The following DPYD variants were observed in gnomAD, a reference collection of about 807,000 sequenced individuals.
DPYD encodes dihydropyrimidine dehydrogenase [NADP(+)].
In DPYD, 109 loss-of-function variants were observed where a neutral mutation model predicts 116.2. The ratio of observed to expected loss-of-function variants is 0.94; its 90% confidence interval spans 0.80 to 1.10. The LOEUF (loss-of-function observed/expected upper bound fraction) is 1.10. Ranked by LOEUF, DPYD falls within the 50% of genes least tolerant of loss-of-function variation. The probability of loss-of-function intolerance (pLI) is 0.00; values close to 1 mark genes in which losing one functional copy is unlikely to be tolerated. For synonymous variants in DPYD, 440 were observed against 432.0 expected (o/e 1.02, Z -0.23); for missense variants, 1,302 against 1,254.5 (o/e 1.04, Z -0.57).
At chr1:97,422,587 T>G (rs1342559582) in intron 14 of DPYD, among the ~76,000 whole-genome samples, 1 of 152,128 alleles carries the variant, frequency 6.6e-6, no homozygotes, top group African/African-American at 2.4e-5. Flanking sequence ...ACTGGGTCAC[T>G]AGTATTACTT....
chr1:97,523,104 T>G (rs1648806922), intron 12 of DPYD, among the ~76,000 whole-genome samples: 1 of 152,108 alleles, frequency 6.6e-6, no homozygotes, highest in African/African-American at 2.4e-5. Context: ...CCTCTTTGAT[T>G]GTTCAAAATA....
chr1:97,232,859 T>C (rs577337019), intron 19 of DPYD, among the ~76,000 whole-genome samples: 7 of 152,334 alleles, frequency 4.6e-5, no homozygotes, highest in Non-Finnish European at 7.3e-5. Context: ...GCTTAAAATA[T>C]CTGACAGATA....
chr1:97,456,233 A>T (rs2101809848), intron 13 of DPYD, among the ~76,000 whole-genome samples: 1 of 152,082 alleles, frequency 6.6e-6, no homozygotes, highest in Non-Finnish European at 1.5e-5. Flanking sequence ...TAATAATTAG[A>T]ACTCATTTCA....
chr1:97,595,069 G>A lies in DPYD; in HGVS notation c.948C>T (p.Gly316=). The change falls in exon 9 of 23, where the codon GGC becomes GGT. Residue 316 remains glycine (G), a synonymous_variant. Transcript: ENST00000370192. Reference sequence around the variant, plus strand: ...GACAATATGTTATACCTGCTTTACTGCCTTTGGCTACAAGTGGCAAAAAGT... The same window carrying A: ...GACAATATGTTATACCTGCTTTACTACCTTTGGCTACAAGTGGCAAAAAGT... The part of the protein sequence containing the change: ...SKDFLPLVAK[G]SKAGMCACHS... The A allele has an allele frequency of 6.2e-7, 1 of 1,612,644 alleles. No homozygotes were observed. The highest frequency in any genetic ancestry group is 8.5e-7 in the Non-Finnish European group (1 of 1,178,834).
intron 8 of DPYD, among the ~76,000 whole-genome samples, chr1:97,670,751 C>T (rs1446892743): frequency 6.6e-6 from 1 of 152,114 alleles, no homozygotes. Flanking sequence ...CCATAAATAG[C>T]AGTTGAAAGA....
intron 15 of DPYD, among the ~76,000 whole-genome samples, chr1:97,382,025 T>C (rs1222973367): frequency 6.6e-6 from 1 of 152,206 alleles, no homozygotes; most frequent in African/African-American, 2.4e-5. Flanking sequence ...TCAAACTAGT[T>C]TGCCTAAAGG....
At chr1:97,127,873 T>C (rs990964454) in intron 20 of DPYD, among the ~76,000 whole-genome samples, 7 of 152,130 alleles carry the variant, frequency 4.6e-5, no homozygotes, top group Non-Finnish European at 7.4e-5. Context: ...AAGAGTATAT[T>C]AAACAGAGGC....
chr1:97,258,299 C>A (rs1248763165), intron 18 of DPYD, among the ~76,000 whole-genome samples: 1 of 152,154 alleles, frequency 6.6e-6, no homozygotes, highest in Non-Finnish European at 1.5e-5. Context: ...CTTTGTACCC[C>A]CTGTCCCAGG....
intron 12 of DPYD, among the ~76,000 whole-genome samples, chr1:97,539,282 C>T (rs541308616): frequency 1.4e-4 from 21 of 152,142 alleles, no homozygotes; most frequent in East Asian, 3.9e-4. Flanking sequence ...AATGCCCTGA[C>T]GCCTCCTTCC....
chr1:97,793,149 C>T (rs1394152397), intron 3 of DPYD, among the ~76,000 whole-genome samples: 3 of 151,962 alleles, frequency 2.0e-5, no homozygotes, highest in Admixed American at 2.0e-4. Context: ...TTTCTGTAAC[C>T]CTAAAACTAT....
chr1:97,735,492 C>T (rs936101385), intron 4 of DPYD, among the ~76,000 whole-genome samples: 2 of 144,466 alleles, frequency 1.4e-5, no homozygotes, highest in African/African-American at 5.1e-5. Flanking sequence ...CTAGCTAACA[C>T]AGTGAAACCC....
chr1:97,498,810 G>C (rs1381819165), intron 13 of DPYD, among the ~76,000 whole-genome samples: 1 of 151,432 alleles, frequency 6.6e-6, no homozygotes, highest in Non-Finnish European at 1.5e-5. Context: ...TTTGTGATTA[G>C]AACATTAGAA....
intron 3 of DPYD, among the ~76,000 whole-genome samples, chr1:97,807,630 T>A (rs1668136678): frequency 6.6e-6 from 1 of 152,112 alleles, no homozygotes; most frequent in East Asian, 1.9e-4. Flanking sequence ...AGAGCAGAAG[T>A]ATTTAATTGT....
At chr1:97,591,324 A>C (rs573383474) in intron 10 of DPYD, among the ~76,000 whole-genome samples, 1 of 152,158 alleles carries the variant, frequency 6.6e-6, no homozygotes, top group Non-Finnish European at 1.5e-5. Context: ...TTTATGTGAC[A>C]GTTTATTTGT....
intron 2 of DPYD, among the ~76,000 whole-genome samples, chr1:97,876,435 A>C (rs1365781068): frequency 6.6e-6 from 1 of 151,912 alleles, no homozygotes; most frequent in Non-Finnish European, 1.5e-5. Context: ...TCACGCAAGT[A>C]ATGTCCCAGC....
chr1:97,593,509 TC>T (rs1172663005), intron 9 of DPYD, 122 bp from the exon 10 acceptor site: 2 of 1,108,810 alleles, frequency 1.8e-6, no homozygotes, highest in Non-Finnish European at 2.7e-6. Flanking sequence ...GGATGAAGTG[TC>T]ACTATCAAAT....
At chr1:97,136,382 G>A (rs1051412924) in intron 20 of DPYD, among the ~76,000 whole-genome samples, 32 of 152,086 alleles carry the variant, frequency 2.1e-4, no homozygotes, top group African/African-American at 7.7e-4. Flanking sequence ...TTTTAAAGAC[G>A]AGAAAATGAG....
Position 97,593,269 on chromosome 1 carries a change from C to T in DPYD, c.1077G>A (p.Val359=). Residue 359 remains valine, a synonymous_variant, in exon 10 of 23, where the codon GTG becomes GTA. Transcript: ENST00000370192. ...CAAAGCCTTTTCTGAAGACGATGAA[C>T]ACACGGCGAGCTCCACAACGTAGAG... ...TSALRCGARR[V]FIVFRKGFVN... is the part of the protein sequence containing the mutation. 2 of 1,614,114 alleles carry T rather than the reference C, an allele frequency of 1.2e-6. No homozygotes were observed. Among genetic ancestry groups the T allele is most frequent in the Non-Finnish European group, 1.7e-6 (2 of 1,180,014 alleles).
chr1:97,404,049 C>T (rs1051743913), intron 14 of DPYD, among the ~76,000 whole-genome samples: 1 of 151,808 alleles, frequency 6.6e-6, no homozygotes, highest in African/African-American at 2.4e-5. Context: ...GTTTTTGGCC[C>T]ATGTGTTATT....
Sources: gnomAD v4.1 joint callset for allele counts (sites outside exome capture counted in the v4.1 genomes callset) on GRCh38, gnomAD v4.1.1 for gene constraint, MANE v1.5 for transcripts, NCBI Gene and HGNC (gene_info 2026-07-23, HGNC 2026-07-21) for gene names.